Variants in RFTN2 observed in about 807,000 individuals in gnomAD.
RFTN2 encodes raftlin family member 2, also known as raftlin-2.
RFTN2 carries 34 observed loss-of-function variants against 52.7 expected under a neutral mutation model. The ratio of observed to expected loss-of-function variants is 0.64; its 90% CI spans 0.49 to 0.86. RFTN2 has a LOEUF of 0.86. Among genes scored for constraint, RFTN2 ranks in the 40% least tolerant of loss-of-function variants. The probability of loss-of-function intolerance (pLI) is 0.00; values close to 1 mark genes in which losing one functional copy is unlikely to be tolerated. For synonymous variants in RFTN2, 203 were observed against 217.7 expected, an observed-to-expected ratio of 0.93 and a Z score of 0.59; for missense variants, 536 against 600.1, an observed-to-expected ratio of 0.89 and a Z score of 1.12.
intron 7 of RFTN2, among the ~76,000 whole-genome samples, chr2:197,598,365 A>G (rs1029352913): frequency 6.6e-6 from 1 of 152,114 alleles, no homozygotes; most frequent in African/African-American, 2.4e-5. Flanking sequence ...TTCAAGGGAC[A>G]GGGTACGTGG....
chr2:197,644,105 T>C lies in RFTN2; in HGVS notation c.438+53A>G, dbSNP rs541208917. The C allele has an allele frequency of 6.9e-6, 7 of 1,017,572 alleles. No homozygotes were observed. The South Asian group carries it at 7.6e-5, about 11-fold the overall frequency. 63.0% of individuals were successfully genotyped at this position (1,017,572 alleles called of 1,614,324 possible). On this transcript the variant is annotated intron_variant, in intron 3 of 8. Transcript: ENST00000295049. ...GGGTAAAAAAGGGAATTGATGAAGATGAAATACCAAATGTTTGTCAATATC... is the reference window on the plus strand; with the variant it reads ...GGGTAAAAAAGGGAATTGATGAAGACGAAATACCAAATGTTTGTCAATATC...
rs769520384 is a variant in RFTN2, at chr2:197,631,161, C to T, written c.778G>A (p.Ala260Thr). ...ATTGACAGGATGCCTTCCTGATAGG[C>T]CCAGGAGGTTGAATCATCATCAAAA... ...NAFDDDSTSW[A>T]YQEGILSMKV... Residue 260 changes from alanine to threonine, a missense_variant, in exon 5 of 9, where the codon GCC becomes ACC. Transcript: ENST00000295049. 2 of 1,613,490 alleles carry T rather than the reference C, an allele frequency of 1.2e-6. No individual in the cohort carries two copies. The highest frequency in any genetic ancestry group is 2.2e-5 in the South Asian group (2 of 91,024).
At chr2:197,590,752 C>T (rs1168234789) in intron 8 of RFTN2, among the ~76,000 whole-genome samples, 2 of 152,122 alleles carry the variant, frequency 1.3e-5, no homozygotes, top group East Asian at 3.8e-4. Context: ...AGTGTTACAG[C>T]TCTTAACGTG....
chr2:197,589,655 T>A (rs2087666304), intron 8 of RFTN2, among the ~76,000 whole-genome samples: 2 of 152,222 alleles, frequency 1.3e-5, no homozygotes, highest in East Asian at 3.8e-4. Flanking sequence ...CATTTACATA[T>A]CCTCATTGGT....
chr2:197,667,375 C>A (rs1354840681), intron 1 of RFTN2, among the ~76,000 whole-genome samples: 2 of 152,138 alleles, frequency 1.3e-5, no homozygotes, highest in South Asian at 2.1e-4. Flanking sequence ...TTTCAGAATT[C>A]TCTTGTATTT....
At chr2:197,675,003 C>A (rs1426903002) in intron 1 of RFTN2, among the ~76,000 whole-genome samples, 10 of 152,056 alleles carry the variant, frequency 6.6e-5, no homozygotes, top group Admixed American at 6.6e-4. Context: ...GTCACTAAGG[C>A]TATATAGCTA....
chr2:197,636,400 A>C lies in RFTN2; in HGVS notation c.439-2403T>G, dbSNP rs372707658. On this transcript the variant is annotated intron_variant, in intron 3 of 8. Coordinates refer to ENST00000295049, the MANE Select transcript of RFTN2 (RefSeq NM_144629.3). Reference sequence around the variant, plus strand: ...GGAATGTTCTTCCATTTGTTTGTATACTCTTTTATTTCCTTGAGCAGTGGT... The same window carrying C: ...GGAATGTTCTTCCATTTGTTTGTATCCTCTTTTATTTCCTTGAGCAGTGGT... 5.1e-5 allele frequency among the ~76,000 whole-genome samples: 7 copies of C among 137,298 alleles called. No individual in the cohort carries two copies. In the East Asian group the frequency reaches 6.1e-4, roughly 12 times the overall value. The allele number at this position is 137,298 out of a possible 152,430, so 90.1% of individuals were successfully genotyped here. A position where few individuals can be genotyped will look rare whatever the true frequency, so the allele number is the denominator to read the frequency against.
chr2:197,593,381 A>G (rs1174556371), intron 8 of RFTN2, among the ~76,000 whole-genome samples: 1 of 152,152 alleles, frequency 6.6e-6, no homozygotes, highest in African/African-American at 2.4e-5. Flanking sequence ...TCTCATAAAA[A>G]AGTAAAACAT....
At chr2:197,612,419 T>C (rs1167509200) in intron 7 of RFTN2, among the ~76,000 whole-genome samples, 2 of 152,220 alleles carry the variant, frequency 1.3e-5, no homozygotes, top group African/African-American at 2.4e-5. Flanking sequence ...GCCATGCTGC[T>C]GTTTTGAGGT....
chr2:197,611,246 C>G (rs2088054644), intron 7 of RFTN2, among the ~76,000 whole-genome samples: 1 of 152,046 alleles, frequency 6.6e-6, no homozygotes, highest in African/African-American at 2.4e-5. Flanking sequence ...TGGTCCTGGA[C>G]TTTTTTTGGT....
rs2087401376 is a variant in RFTN2, at chr2:197,575,783, TA to T, written c.1234-3504del. ...TTATATATATAATATATATTCTATA[TA>T]TAATATATTATATATATTTTATATA... On this transcript the variant is annotated intron_variant, in intron 8 of 8. Coordinates refer to ENST00000295049, the MANE Select transcript of RFTN2 (RefSeq NM_144629.3). Among the ~76,000 whole-genome samples, 3 of 141,968 alleles carry T rather than the reference TA, an allele frequency of 2.1e-5. No individual in the cohort carries two copies. The East Asian group carries it at 5.9e-4, about 28-fold the overall frequency. 93.1% of individuals were successfully genotyped at this position (141,968 alleles called of 152,430 possible). A position where few individuals can be genotyped will look rare whatever the true frequency, so the allele number is the denominator to read the frequency against.
At chr2:197,602,241 T>TG (rs912349068) in intron 7 of RFTN2, among the ~76,000 whole-genome samples, 140 of 151,710 alleles carry the variant, frequency 9.2e-4, no homozygotes, top group African/African-American at 3.3e-3. Context: ...AATTTTTTTT[T>TG]TGTGTTTTTA....
intron 7 of RFTN2, among the ~76,000 whole-genome samples, chr2:197,614,626 G>C (rs1157052088): frequency 6.6e-6 from 1 of 152,178 alleles, no homozygotes; most frequent in Non-Finnish European, 1.5e-5. Flanking sequence ...CTACCATGGG[G>C]CCGGAGCCCC....
At chr2:197,658,753 G>T (rs188497566) in intron 1 of RFTN2, among the ~76,000 whole-genome samples, 45 of 152,264 alleles carry the variant, frequency 3.0e-4, no homozygotes, top group African/African-American at 1.1e-3. Context: ...AAATGGGGTT[G>T]TTTACAGCTT....
intron 8 of RFTN2, among the ~76,000 whole-genome samples, chr2:197,593,439 A>G (rs2087748231): frequency 6.6e-6 from 1 of 152,172 alleles, no homozygotes; most frequent in Admixed American, 6.6e-5. Context: ...AAAACCTTAT[A>G]TCTAATATTA....
intron 4 of RFTN2, among the ~76,000 whole-genome samples, chr2:197,632,666 G>A (rs1389053872): frequency 6.6e-6 from 1 of 152,156 alleles, no homozygotes; most frequent in African/African-American, 2.4e-5. Context: ...TAGGGAATGG[G>A]TGAGAAAAGA....
chr2:197,664,063 A>G (rs2089016774), intron 1 of RFTN2, among the ~76,000 whole-genome samples: 2 of 152,140 alleles, frequency 1.3e-5, no homozygotes, highest in Admixed American at 6.5e-5. Context: ...ATAGTCATTC[A>G]GGAGTATGCT....
chr2:197,627,138 T>C (rs915412919), intron 5 of RFTN2, among the ~76,000 whole-genome samples: 7 of 152,172 alleles, frequency 4.6e-5, no homozygotes, highest in Admixed American at 4.6e-4. Flanking sequence ...ACAGACCTTT[T>C]CCCAGTTCCT....
intron 8 of RFTN2, among the ~76,000 whole-genome samples, chr2:197,588,440 C>T (rs1408502677): frequency 6.6e-6 from 1 of 152,220 alleles, no homozygotes; most frequent in African/African-American, 2.4e-5. Flanking sequence ...GTCTCAAACT[C>T]CTGGCCTCAT....
Sources: gnomAD v4.1 joint callset for allele counts (sites outside exome capture counted in the v4.1 genomes callset) on GRCh38, gnomAD v4.1.1 for gene constraint, MANE v1.5 for transcripts, NCBI Gene and HGNC (gene_info 2026-07-23, HGNC 2026-07-21) for gene names.